TDRD3: variants seen among roughly 807,000 people sequenced by gnomAD.
TDRD3 encodes tudor domain containing 3, also known as tudor domain-containing protein 3.
TDRD3 carries 45 observed loss-of-function variants against 86.7 expected under a neutral mutation model. The ratio of observed to expected loss-of-function variants is 0.52; its 90% CI spans 0.41 to 0.67. The LOEUF (loss-of-function observed/expected upper bound fraction) is 0.67, where lower values mean the gene tolerates loss of function less well. Ranked by LOEUF, TDRD3 falls within the 30% of genes least tolerant of loss-of-function variation. TDRD3 has a pLI of 0.00. For synonymous variants in TDRD3, 298 were observed against 301.7 expected, an observed-to-expected ratio of 0.99 and a Z score of 0.13; for missense variants, 814 against 889.0, an observed-to-expected ratio of 0.92 and a Z score of 1.07.
chr13:60,487,936 A>AT (rs1325215864), intron 7 of TDRD3, among the ~76,000 whole-genome samples: 8 of 152,086 alleles, frequency 5.3e-5, no homozygotes, highest in East Asian at 1.9e-4. Context: ...AGTATTTGTT[A>AT]TTTTTTTGTC....
rs529610825 is a variant in TDRD3, at chr13:60,539,572, T to C, written c.2118+4339T>C. On this transcript the variant is annotated intron_variant, in intron 12 of 13. Coordinates refer to ENST00000377881, the MANE Select transcript of TDRD3 (RefSeq NM_001146070.2). ...GTTTTTAGGAGGGTTTGGGTTCTTT[T>C]TTTATGATAATTATATATATTTTCA... is the stretch of plus-strand genomic sequence containing the variant. Among the ~76,000 whole-genome samples, 17 of 151,896 alleles carry C rather than the reference T, an allele frequency of 1.1e-4. No individual in the cohort carries two copies. In the South Asian group the frequency reaches 3.1e-3, roughly 28 times the overall value.
At chr13:60,464,844 TTAGA>T (rs1489444721) in intron 4 of TDRD3, among the ~76,000 whole-genome samples, 6 of 151,982 alleles carry the variant, frequency 3.9e-5, no homozygotes, top group Non-Finnish European at 7.4e-5. Flanking sequence ...AAAAATACAG[TTAGA>T]TAGAAGGAAT....
intron 7 of TDRD3, among the ~76,000 whole-genome samples, chr13:60,489,583 G>GTTT (rs1308305054): frequency 5.3e-5 from 8 of 152,056 alleles, no homozygotes; most frequent in South Asian, 2.1e-4. Context: ...GAAACTCGGA[G>GTTT]ATAATAATGG....
intron 12 of TDRD3, among the ~76,000 whole-genome samples, chr13:60,563,701 G>A (rs1958389826): frequency 1.3e-5 from 2 of 152,212 alleles, no homozygotes; most frequent in South Asian, 4.1e-4. Flanking sequence ...TGTATGCTTA[G>A]CTGCATTTCA....
chr13:60,507,341 C>T (rs999433891), intron 8 of TDRD3, among the ~76,000 whole-genome samples: 3 of 152,110 alleles, frequency 2.0e-5, no homozygotes, highest in Admixed American at 6.5e-5. Context: ...CTGGACCAAG[C>T]GGACCTAATA....
intron 12 of TDRD3, among the ~76,000 whole-genome samples, chr13:60,556,236 A>T (rs1416653759): frequency 6.6e-6 from 1 of 152,182 alleles, no homozygotes; most frequent in Non-Finnish European, 1.5e-5. Context: ...ATTCAATAGG[A>T]TCTTGGTTCA....
intron 7 of TDRD3, among the ~76,000 whole-genome samples, chr13:60,492,702 A>G (rs1956613745): frequency 6.6e-6 from 1 of 152,056 alleles, no homozygotes; most frequent in South Asian, 2.1e-4. Flanking sequence ...CTGGGATTCC[A>G]TAAACCCAAA....
At chr13:60,494,714 TA>T in intron 8 of TDRD3, 139 bp downstream of exon 8, 1 of 687,344 alleles carries the variant, frequency 1.5e-6, no homozygotes, top group Non-Finnish European at 2.1e-6. Flanking sequence ...CATTAAGGAT[TA>T]CAATTAAATC....
At chr13:60,454,306 A>G (rs1337138515) in intron 3 of TDRD3, among the ~76,000 whole-genome samples, 2 of 152,114 alleles carry the variant, frequency 1.3e-5, no homozygotes, top group African/African-American at 2.4e-5. Context: ...AGTTTTGTAT[A>G]AATTTTCTAG....
intron 5 of TDRD3, among the ~76,000 whole-genome samples, chr13:60,478,502 A>C (rs1362538700): frequency 6.6e-6 from 1 of 151,908 alleles, no homozygotes; most frequent in Non-Finnish European, 1.5e-5. Flanking sequence ...ATGGGGTTTC[A>C]GAATGTTGGC....
intron 8 of TDRD3, 72 bp downstream of exon 8, chr13:60,494,647 C>A: frequency 6.9e-7 from 1 of 1,445,708 alleles, no homozygotes; most frequent in South Asian, 1.4e-5. Context: ...TTTCTTACCA[C>A]CACCACTGGC....
At position 60,531,487 on chromosome 13, in the gene TDRD3, A is replaced by C. The variant is rs527247056; in HGVS notation, c.1992+2270A>C. Among the ~76,000 whole-genome samples, 6 of 152,280 alleles carry C rather than the reference A, an allele frequency of 3.9e-5. No individual in the cohort carries two copies. The South Asian group carries it at 1.2e-3, about 32-fold the overall frequency. ...TGAAAGGTTAAGGTGAGGATGGAAA[A>C]GTGTTTTCTGTATTGGATAATGTGG... On this transcript the variant is annotated intron_variant, in intron 11 of 13. Coordinates refer to ENST00000377881, the MANE Select transcript of TDRD3 (RefSeq NM_001146070.2).
At chr13:60,531,285 C>G (rs969569625) in intron 11 of TDRD3, among the ~76,000 whole-genome samples, 25 of 152,184 alleles carry the variant, frequency 1.6e-4, no homozygotes, top group African/African-American at 5.3e-4. Flanking sequence ...ATTCTTCCAA[C>G]TCAGACTACT....
At chr13:60,449,187 G>C (rs961606974) in intron 3 of TDRD3, among the ~76,000 whole-genome samples, 32 of 152,068 alleles carry the variant, frequency 2.1e-4, no homozygotes, top group African/African-American at 6.3e-4. Flanking sequence ...AAAAGGAATT[G>C]AAAAAAGTTT....
intron 5 of TDRD3, among the ~76,000 whole-genome samples, chr13:60,477,971 T>C (rs987814818): frequency 6.6e-6 from 1 of 152,182 alleles, no homozygotes; most frequent in African/African-American, 2.4e-5. Flanking sequence ...TTGTATGTCT[T>C]AAAGAATTTG....
intron 7 of TDRD3, among the ~76,000 whole-genome samples, chr13:60,488,164 C>T: frequency 6.6e-6 from 1 of 152,150 alleles, no homozygotes; most frequent in Middle Eastern, 3.4e-3. Flanking sequence ...AATCCATCTC[C>T]CTGATGGGCT....
intron 10 of TDRD3, among the ~76,000 whole-genome samples, chr13:60,525,304 G>T (rs896861491): frequency 1.4e-5 from 2 of 147,600 alleles, no homozygotes; most frequent in Admixed American, 6.9e-5. Flanking sequence ...CTCCCGAGTA[G>T]CTGGGATTAC....
At chr13:60,475,396 G>A (rs1270915875) in intron 5 of TDRD3, among the ~76,000 whole-genome samples, 1 of 152,138 alleles carries the variant, frequency 6.6e-6, no homozygotes, top group Non-Finnish European at 1.5e-5. Context: ...GCCTCCAGAT[G>A]CATCCATATT....
At chr13:60,501,192 T>C (rs1447805701) in intron 8 of TDRD3, among the ~76,000 whole-genome samples, 14 of 152,244 alleles carry the variant, frequency 9.2e-5, no homozygotes, top group Non-Finnish European at 1.5e-5. Flanking sequence ...TTCCCCCCGC[T>C]GGAGTGGTAA....
Sources: gnomAD v4.1 joint callset for allele counts (sites outside exome capture counted in the v4.1 genomes callset) on GRCh38, gnomAD v4.1.1 for gene constraint, MANE v1.5 for transcripts, NCBI Gene and HGNC (gene_info 2026-07-23, HGNC 2026-07-21) for gene names.